Variants in LAMA1 observed in about 807,000 individuals in gnomAD.
LAMA1 encodes laminin subunit alpha 1.
Under a neutral mutation model 348.7 loss-of-function variants are expected in LAMA1, and 219 were observed. The ratio of observed to expected loss-of-function variants is 0.63; its 90% CI spans 0.56 to 0.70. LAMA1 has a LOEUF of 0.70. Among genes scored for constraint, LAMA1 ranks in the 30% least tolerant of loss-of-function variants. LAMA1 has a pLI of 0.00. For missense variants in LAMA1, 3,744 were observed against 3,888.0 expected (o/e 0.96, Z 0.99); for synonymous variants, 1,487 against 1,491.0 (o/e 1.00, Z 0.06).
intron 3 of LAMA1, among the ~76,000 whole-genome samples, chr18:7,055,748 T>G (rs1172668830): frequency 6.6e-6 from 1 of 152,160 alleles, no homozygotes; most frequent in Admixed American, 6.5e-5. Flanking sequence ...CATGAGCTAC[T>G]TTCCTTTCGA....
At chr18:6,943,718 C>T (rs1194592163) in intron 61 of LAMA1, among the ~76,000 whole-genome samples, 2 of 151,702 alleles carry the variant, frequency 1.3e-5, no homozygotes, top group African/African-American at 4.8e-5. Flanking sequence ...AGGCGCATGC[C>T]TGTAATCCCA....
chr18:6,958,636 T>C lies in LAMA1; in HGVS notation c.7805A>G (p.Asn2602Ser). 1 of 1,614,184 alleles carries C rather than the reference T, an allele frequency of 6.2e-7. No individual in the cohort carries two copies. Among genetic ancestry groups the C allele is most frequent in the Non-Finnish European group, 8.5e-7 (1 of 1,180,000 alleles). ...RRIITVQLDENNPVEMKLGTL... is the reference protein window; with the variant it reads ...RRIITVQLDESNPVEMKLGTL... ...GCCCAACTTCATTTCCACAGGATTG[T>C]TCTCATCCAATTGGACAGTGATAAT... The change falls in exon 55 of 63, where the codon AAC becomes AGC. Residue 2602 changes from asparagine (N) to serine (S), a missense_variant. Coordinates refer to ENST00000389658, the MANE Select transcript of LAMA1 (RefSeq NM_005559.4).
intron 28 of LAMA1, 83 bp from the exon 29 acceptor site, chr18:7,007,359 C>T: frequency 1.5e-6 from 2 of 1,376,850 alleles, no homozygotes; most frequent in Non-Finnish European, 2.0e-6. Flanking sequence ...CCAAAGGAGA[C>T]ATACAAATGG....
intron 29 of LAMA1, 79 bp from the exon 30 acceptor site, chr18:7,002,464 C>G: frequency 6.9e-7 from 1 of 1,439,480 alleles, no homozygotes; most frequent in Non-Finnish European, 9.7e-7. Context: ...TAGCTAAGCA[C>G]TGCCACGTTT....
chr18:7,109,500 A>G (rs1242112949), intron 1 of LAMA1, among the ~76,000 whole-genome samples: 2 of 152,180 alleles, frequency 1.3e-5, no homozygotes, highest in Non-Finnish European at 2.9e-5. Flanking sequence ...TTCAGAAGTG[A>G]GACAGTTGAA....
At chr18:7,017,957 T>C (rs929806119) in intron 19 of LAMA1, among the ~76,000 whole-genome samples, 1 of 152,152 alleles carries the variant, frequency 6.6e-6, no homozygotes, top group Non-Finnish European at 1.5e-5. Flanking sequence ...TTCCCTACCT[T>C]TGCAAAGTGA....
chr18:7,095,840 G>A (rs1221770219), intron 1 of LAMA1, among the ~76,000 whole-genome samples: 11 of 152,168 alleles, frequency 7.2e-5, no homozygotes, highest in African/African-American at 2.7e-4. Context: ...AGGCCCAGGC[G>A]GGCAGATCAT....
chr18:7,047,167 C>T (rs1461901925), intron 5 of LAMA1, among the ~76,000 whole-genome samples: 2 of 151,806 alleles, frequency 1.3e-5, no homozygotes, highest in Non-Finnish European at 2.9e-5. Context: ...GCCTCAGCCT[C>T]CTGAGTAGCT....
intron 3 of LAMA1, among the ~76,000 whole-genome samples, chr18:7,079,106 G>A (rs1458421406): frequency 6.6e-6 from 1 of 152,148 alleles, no homozygotes; most frequent in Non-Finnish European, 1.5e-5. Flanking sequence ...ATCCTACAAT[G>A]CACATCACAA....
At chr18:6,975,229 C>G (rs2057676563) in intron 45 of LAMA1, among the ~76,000 whole-genome samples, 193 bp from the exon 46 acceptor site, 1 of 152,288 alleles carries the variant, frequency 6.6e-6, no homozygotes, top group African/African-American at 2.4e-5. Flanking sequence ...TGACTCACAG[C>G]CCCGGGGACA....
In LAMA1 at chr18:6,964,678, T is replaced by C; in HGVS notation, c.7321A>G (p.Arg2441Gly). The change falls in exon 51 of 63, where the codon AGG becomes GGG. Residue 2441 changes from arginine (R) to glycine (G), a missense_variant. By Grantham distance (125) the Arg-to-Gly change is moderately radical (BLOSUM62 -2). Around this residue, in one of 3 missense-constraint regions of LAMA1, gnomAD observed 1,983 missense variants for 1,934.3 expected, o/e 1.03. Transcript: ENST00000389658. Reference sequence around the variant, plus strand: ...TTAATATACCTTACAACTCTTGACCTTGGTAATCCACCCACATAAATCGGG... The same window carrying C: ...TTAATATACCTTACAACTCTTGACCCTGGTAATCCACCCACATAAATCGGG... ...KDPIYVGGLPRSRVVRRGVTT... is the reference protein window; with the variant it reads ...KDPIYVGGLPGSRVVRRGVTT... The C allele has an allele frequency of 6.2e-7, 1 of 1,614,192 alleles. No individual in the cohort carries two copies.
chr18:7,080,587 A>G, intron 1 of LAMA1, 130 bp from the exon 2 acceptor site: 1 of 943,370 alleles, frequency 1.1e-6, no homozygotes, highest in Non-Finnish European at 1.7e-6. Context: ...ATCCTTACAC[A>G]AACACCGTAT....
intron 44 of LAMA1, 143 bp from the exon 45 acceptor site, chr18:6,976,223 G>A: frequency 1.3e-6 from 1 of 772,530 alleles, no homozygotes; most frequent in East Asian, 2.6e-5. Flanking sequence ...CATGTTTCAT[G>A]AAGTGACATA....
chr18:7,033,055 T>C lies in LAMA1; in HGVS notation c.2092A>G (p.Ile698Val), dbSNP rs1598289841. The change falls in exon 15 of 63, where the codon ATC becomes GTC. Residue 698 changes from isoleucine to valine, a missense_variant. Physicochemically the swap from Ile to Val is conservative, Grantham distance 29. Coordinates refer to ENST00000389658, the MANE Select transcript of LAMA1 (RefSeq NM_005559.4). The stretch of plus-strand genomic sequence containing the variant: ...ACATCAGCGGCCACCACCAGGTCGA[T>C]GGCATTAGAGCTGGCTATGTCCAGA... ...VSLDIASSNAIDLVVAADVEH... is the reference protein window; with the variant it reads ...VSLDIASSNAVDLVVAADVEH... 1 of 1,612,496 alleles carries C rather than the reference T, an allele frequency of 6.2e-7. No individual in the cohort carries two copies. The highest frequency in any genetic ancestry group is 1.1e-5 in the South Asian group (1 of 90,596).
chr18:6,995,453 A>G lies in LAMA1; in HGVS notation c.4807-7T>C, dbSNP rs766067245. On this transcript the variant is annotated splice_polypyrimidine_tract_variant and splice_region_variant and intron_variant, in intron 33 of 62. Coordinates refer to ENST00000389658, the MANE Select transcript of LAMA1 (RefSeq NM_005559.4). ...TTTCTTTTAATAAAGATTCCTAGGA[A>G]GAATGGAGGAAACAAATTACAATGC... is the stretch of plus-strand genomic sequence containing the variant. 4.9e-6 allele frequency: 7 copies of G among 1,423,050 alleles called. No individual in the cohort carries two copies. The South Asian group carries it at 8.0e-5, about 16-fold the overall frequency. 88.2% of individuals were successfully genotyped at this position (1,423,050 alleles called of 1,614,324 possible).
chr18:6,982,562 T>G lies in LAMA1; in HGVS notation c.5825A>C (p.Lys1942Thr), dbSNP rs779172478. ...TCTGGAGCTGCGCTGCACGGCCGCT[T>G]TCCCGTTAGAAACAAGGGATTCTGA... ...LLSESLVSNG[K>T]AAVQRSSRFL... Residue 1942 changes from lysine to threonine, a missense_variant, in exon 41 of 63, where the codon AAA (lysine) becomes ACA (threonine). Physicochemically the swap from Lys to Thr is moderately conservative, Grantham distance 78. This residue lies in a region of LAMA1 where 1,983 missense variants were observed against 1,934.3 expected (regional missense o/e 1.03). Coordinates refer to ENST00000389658, the MANE Select transcript of LAMA1 (RefSeq NM_005559.4). 5.0e-6 allele frequency: 8 copies of G among 1,614,050 alleles called. No individual in the cohort carries two copies. In the South Asian group the frequency reaches 8.8e-5, roughly 18 times the overall value.
intron 24 of LAMA1, among the ~76,000 whole-genome samples, chr18:7,011,741 A>G (rs536666573): frequency 2.4e-4 from 37 of 152,316 alleles, no homozygotes; most frequent in African/African-American, 8.9e-4. Context: ...TTGCAGTTCT[A>G]TCTTCTCTCC....
At chr18:7,015,178 C>A (rs2057881239) in intron 22 of LAMA1, among the ~76,000 whole-genome samples, 1 of 152,154 alleles carries the variant, frequency 6.6e-6, no homozygotes, top group African/African-American at 2.4e-5. Context: ...ATCAATGCAA[C>A]AACTAGGTTC....
rs201635937 is a variant in LAMA1, at chr18:7,017,331, C to T, written c.2755G>A (p.Gly919Arg). ...ACGTTTGGTTTGCAGTCACAGAGCC[C>T]GGTCTCAAGATGGCACACGGCAGAA... ...SHSAVCHLET[G>R]LCDCKPNVTG... Residue 919 changes from glycine to arginine, a missense_variant, in exon 20 of 63, where the codon GGG becomes AGG. By Grantham distance (125) the Gly-to-Arg change is moderately radical. Coordinates refer to ENST00000389658, the MANE Select transcript of LAMA1 (RefSeq NM_005559.4). 8.5e-5 allele frequency: 137 copies of T among 1,613,896 alleles called. No individual in the cohort carries two copies. The highest frequency in any genetic ancestry group is 1.0e-4 in the Non-Finnish European group (123 of 1,180,016).
Sources: gnomAD v4.1 joint callset for allele counts (sites outside exome capture counted in the v4.1 genomes callset) on GRCh38, gnomAD v4.1.1 for gene constraint, gnomAD v4.1.1 regional missense constraint, MANE v1.5 for transcripts, NCBI Gene and HGNC (gene_info 2026-07-23, HGNC 2026-07-21) for gene names.